Variants in RAB3IP observed in about 807,000 individuals in gnomAD.
RAB3IP encodes the protein RAB3A interacting protein.
Under a neutral mutation model 59.1 loss-of-function variants are expected in RAB3IP, and 36 were observed. That is an observed-to-expected ratio of 0.61 (90% CI 0.47 to 0.80). The LOEUF (loss-of-function observed/expected upper bound fraction) is 0.80. Among genes scored for constraint, RAB3IP ranks in the 30% least tolerant of loss-of-function variants. The pLI is 0.00. For missense variants in RAB3IP, 511 were observed against 536.0 expected, an observed-to-expected ratio of 0.95 and a Z score of 0.46; for synonymous variants, 207 against 191.2, an observed-to-expected ratio of 1.08 and a Z score of -0.68.
chr12:69,754,024 A>G (rs1760654191), intron 1 of RAB3IP, among the ~76,000 whole-genome samples: 1 of 152,182 alleles, frequency 6.6e-6, no homozygotes, highest in Non-Finnish European at 1.5e-5. Flanking sequence ...TGTCAGGTAC[A>G]TAGTACTCTA....
intron 1 of RAB3IP, among the ~76,000 whole-genome samples, chr12:69,750,832 C>A (rs137872871): frequency 1.7e-3 from 257 of 151,592 alleles, no homozygotes; most frequent in African/African-American, 6.1e-3. Flanking sequence ...GTTTTTGTGA[C>A]AAGATGTGAT....
chr12:69,813,691 A>C (rs1340037745), intron 10 of RAB3IP, among the ~76,000 whole-genome samples: 1 of 152,052 alleles, frequency 6.6e-6, no homozygotes, highest in Admixed American at 6.6e-5. Context: ...AGCACAAATG[A>C]TAGTTTAAAA....
intron 10 of RAB3IP, among the ~76,000 whole-genome samples, 182 bp downstream of exon 10, chr12:69,813,215 T>C (rs1298319527): frequency 6.6e-6 from 1 of 152,214 alleles, no homozygotes; most frequent in Admixed American, 6.5e-5. Context: ...CAAATGTCTT[T>C]TAGAAAAATA....
intron 6 of RAB3IP, among the ~76,000 whole-genome samples, chr12:69,798,322 C>T (rs1324769276): frequency 1.3e-5 from 2 of 151,652 alleles, no homozygotes; most frequent in Non-Finnish European, 2.9e-5. Flanking sequence ...TAAATGTCTT[C>T]GTTTGAGAAG....
At chr12:69,758,756 C>CTTTTTT (rs71437121) in intron 3 of RAB3IP, among the ~76,000 whole-genome samples, 765 of 48,100 alleles carry the variant, frequency 0.016, 22 homozygotes, top group East Asian at 0.039. Flanking sequence ...GTGTTCATTC[C>CTTTTTT]TTTTTTTTTT....
rs1881436021 is a variant in RAB3IP, at chr12:69,819,106, A to G, written c.*3660A>G. On this transcript the variant is annotated 3_prime_UTR_variant, in exon 11 of 11. Coordinates refer to ENST00000247833, the MANE Select transcript of RAB3IP (RefSeq NM_022456.5). ...TTAAAAAAATTCAAAAACAAAATAA[A>G]TGCATGGACAAATGAATAAGAGAGT... 6.6e-6 allele frequency: 1 copy of G among 152,192 alleles called. No homozygotes were observed. Among genetic ancestry groups the G allele is most frequent in the Non-Finnish European group, 1.5e-5 (1 of 68,036 alleles). The allele number at this position is 152,192 out of a possible 1,614,324, so 9.4% of individuals were successfully genotyped here. A position where few individuals can be genotyped will look rare whatever the true frequency, so the allele number is the denominator to read the frequency against.
rs772545258 is a variant in RAB3IP at position 69,812,899 on chromosome 12, T to A, written c.1230+22T>A. Reference sequence around the variant, plus strand: ...CAGGGTAAGTGACTTAACCATGAATTTTAATAAAGCTTGCTTTGATATGGG... The same window carrying A: ...CAGGGTAAGTGACTTAACCATGAATATTAATAAAGCTTGCTTTGATATGGG... On this transcript the variant is annotated intron_variant, in intron 9 of 10. Transcript: ENST00000247833. 3.2e-5 allele frequency: 51 copies of A among 1,606,078 alleles called. 1 individual carries two copies. The South Asian group carries it at 5.6e-4, about 18-fold the overall frequency.
In RAB3IP at chr12:69,820,218, CA is replaced by C. The variant is rs1269756937; in HGVS notation, c.*4773del. ...TAACTTTTGTGCTTAACAGATCTGC[CA>C]TGGCTGAACTCTCAGTTGCTTAAGC... is the stretch of plus-strand genomic sequence containing the variant. On this transcript the variant is annotated 3_prime_UTR_variant, in exon 11 of 11. Transcript: ENST00000247833. The C allele has an allele frequency of 1.3e-5, 2 of 152,180 alleles. No homozygotes were observed. Among genetic ancestry groups the C allele is most frequent in the Non-Finnish European group, 2.9e-5 (2 of 68,060 alleles). The allele number at this position is 152,180 out of a possible 1,614,324, so 9.4% of individuals were successfully genotyped here.
intron 4 of RAB3IP, among the ~76,000 whole-genome samples, chr12:69,791,876 G>T (rs748048696): frequency 2.0e-5 from 3 of 152,156 alleles, no homozygotes; most frequent in Non-Finnish European, 1.5e-5. Flanking sequence ...GTTCATTGCA[G>T]CATTATTCAC....
chr12:69,802,589 T>A (rs191055744), intron 8 of RAB3IP, among the ~76,000 whole-genome samples: 38 of 152,318 alleles, frequency 2.5e-4, no homozygotes, highest in African/African-American at 8.7e-4. Flanking sequence ...AGAAAGATGC[T>A]TATTAAGTGC....
intron 3 of RAB3IP, among the ~76,000 whole-genome samples, chr12:69,780,287 C>A (rs1352780331): frequency 1.3e-5 from 2 of 152,216 alleles, no homozygotes; most frequent in Admixed American, 1.3e-4. Flanking sequence ...GGACCCCTTA[C>A]ACTCTGCTGT....
At chr12:69,788,310 C>T (rs1198648321) in intron 4 of RAB3IP, among the ~76,000 whole-genome samples, 1 of 152,072 alleles carries the variant, frequency 6.6e-6, no homozygotes, top group Non-Finnish European at 1.5e-5. Flanking sequence ...CTATTACACA[C>T]CTTGGCTATA....
At position 69,822,462 on chromosome 12, in the gene RAB3IP, C is replaced by G. The variant is rs925364949; in HGVS notation, c.*7016C>G. ...CACTTAGAATGAATATGCATGGAAT[C>G]AAATTACATTCAGAATCTACCACTA... On this transcript the variant is annotated 3_prime_UTR_variant, in exon 11 of 11. Coordinates refer to ENST00000247833, the MANE Select transcript of RAB3IP (RefSeq NM_022456.5). 4.8e-5 allele frequency: 6 copies of G among 125,188 alleles called. No homozygotes were observed. The highest frequency in any genetic ancestry group is 1.8e-4 in the African/African-American group (6 of 32,972). The allele number at this position is 125,188 out of a possible 1,614,324, so 7.8% of individuals were successfully genotyped here.
intron 1 of RAB3IP, chr12:69,739,898 G>A (rs1215205008): frequency 4.7e-5 from 73 of 1,561,328 alleles, no homozygotes; most frequent in Non-Finnish European, 6.4e-5. Context: ...CGAGCGCTGA[G>A]TTAGTTAGTA....
In RAB3IP at chr12:69,800,402, C is replaced by T. The variant is rs149563155; in HGVS notation, c.1017+65C>T. ...TTTCTGTACTTCTTTTAAACTAAAT[C>T]ATATTACATATTTTAATATCTCTTA... On this transcript the variant is annotated intron_variant, in intron 7 of 10. Coordinates refer to ENST00000247833, the MANE Select transcript of RAB3IP (RefSeq NM_022456.5). 3.4e-5 allele frequency: 32 copies of T among 947,202 alleles called. 1 individual carries two copies. In the African/African-American group the frequency reaches 4.5e-4, roughly 13 times the overall value. The allele number at this position is 947,202 out of a possible 1,614,324, so 58.7% of individuals were successfully genotyped here.
At position 69,792,394 on chromosome 12, in the gene RAB3IP, A is replaced by G. The variant is rs558019763; in HGVS notation, c.607-2043A>G. ...AGTGTTCATAAATATTTATTAAAAC[A>G]GCCACACTAATTTGTGTATTGTCTA... On this transcript the variant is annotated intron_variant, in intron 4 of 10. Transcript: ENST00000247833. Among the ~76,000 whole-genome samples the G allele has an allele frequency of 6.6e-5, 10 of 152,338 alleles. No homozygotes were observed. The East Asian group carries it at 1.5e-3, about 23-fold the overall frequency.
chr12:69,813,671 G>A (rs1880777433), intron 10 of RAB3IP, among the ~76,000 whole-genome samples: 1 of 151,852 alleles, frequency 6.6e-6, no homozygotes, highest in African/African-American at 2.4e-5. Flanking sequence ...CTCCAAAGCA[G>A]TATCTCTCGA....
intron 5 of RAB3IP, among the ~76,000 whole-genome samples, 155 bp downstream of exon 5, chr12:69,794,669 G>C (rs759890453): frequency 6.6e-6 from 1 of 152,080 alleles, no homozygotes; most frequent in Non-Finnish European, 1.5e-5. Context: ...TACTATGTAG[G>C]TATAATTAAT....
At chr12:69,762,146 C>G (rs1170695147) in intron 3 of RAB3IP, among the ~76,000 whole-genome samples, 1 of 152,156 alleles carries the variant, frequency 6.6e-6, no homozygotes, top group Non-Finnish European at 1.5e-5. Context: ...CAAATCCATA[C>G]TGTGTGTGTA....
Sources: gnomAD v4.1 joint callset for allele counts (sites outside exome capture counted in the v4.1 genomes callset) on GRCh38, gnomAD v4.1.1 for gene constraint, MANE v1.5 for transcripts, NCBI Gene and HGNC (gene_info 2026-07-23, HGNC 2026-07-21) for gene names.